The following TXN variants were observed in gnomAD, a reference collection of about 807,000 sequenced individuals.
TXN encodes ADF.
In TXN, 10 loss-of-function variants were observed where a neutral mutation model predicts 16.5. That is an observed-to-expected ratio of 0.61 (90% CI 0.37 to 1.03). The LOEUF (loss-of-function observed/expected upper bound fraction) is 1.03, where lower values mean the gene tolerates loss of function less well. TXN is among the 50% of genes least tolerant of loss of function. The pLI is 0.01. For synonymous variants in TXN, 35 were observed against 39.4 expected, an observed-to-expected ratio of 0.89 and a Z score of 0.42; for missense variants, 71 against 122.5, an observed-to-expected ratio of 0.58 and a Z score of 1.98.
chr9:110,244,643 C>T, intron 4 of TXN, 135 bp downstream of exon 4: 1 of 719,356 alleles, frequency 1.4e-6, no homozygotes. Flanking sequence ...TGAATTTTGG[C>T]ATATTTAAAA....
chr9:110,250,715 A>T (rs1837722110), intron 3 of TXN, 105 bp downstream of exon 3: 5 of 941,284 alleles, frequency 5.3e-6, no homozygotes, highest in Non-Finnish European at 8.3e-6. Flanking sequence ...ATAGGATTAC[A>T]GTTCTAGAAT....
intron 1 of TXN, 144 bp from the exon 2 acceptor site, chr9:110,251,606 A>AAAAG (rs1837738260): frequency 2.1e-6 from 1 of 467,384 alleles, no homozygotes; most frequent in African/African-American, 2.1e-5. Flanking sequence ...AAAAAAAAAA[A>AAAAG]AAAAAAATCC....
At chr9:110,253,412 A>C (rs1837766510) in intron 1 of TXN, among the ~76,000 whole-genome samples, 1 of 152,218 alleles carries the variant, frequency 6.6e-6, no homozygotes, top group South Asian at 2.1e-4. Flanking sequence ...TTATTGTTCC[A>C]GATCAATTTC....
rs1837807283 is a variant in TXN at position 110,256,177 on chromosome 9, G to A, written c.24+235C>T. 6.6e-6 allele frequency among the ~76,000 whole-genome samples: 1 copy of A among 152,144 alleles called. No homozygotes were observed. Among genetic ancestry groups the A allele is most frequent in the Admixed American group, 6.5e-5 (1 of 15,284 alleles). On this transcript the variant is annotated intron_variant, in intron 1 of 4. Coordinates refer to ENST00000374517, the MANE Select transcript of TXN (RefSeq NM_003329.4). The surrounding 1 kb of genome is among the most constrained non-coding windows in gnomAD (Gnocchi z 4.2). Reference sequence around the variant, plus strand: ...TGGGCACCGCCACTCCGCCCTCCAGGGGACCCTCGTCCTTCTCCTCCCTTC... The same window carrying A: ...TGGGCACCGCCACTCCGCCCTCCAGAGGACCCTCGTCCTTCTCCTCCCTTC...
rs559697362 is a variant in TXN, at chr9:110,254,552, C to T, written c.24+1860G>A. Reference sequence around the variant, plus strand: ...AACAAACTAACAGACAAATAACAATCAAATTAGTGTAACTTTCGATCAATG... The same window carrying T: ...AACAAACTAACAGACAAATAACAATTAAATTAGTGTAACTTTCGATCAATG... On this transcript the variant is annotated intron_variant, in intron 1 of 4. Transcript: ENST00000374517. 1.3e-4 allele frequency among the ~76,000 whole-genome samples: 20 copies of T among 152,310 alleles called. No homozygotes were observed. In the South Asian group the frequency reaches 3.9e-3, roughly 30 times the overall value.
chr9:110,251,074 G>C (rs140152930), intron 2 of TXN, among the ~76,000 whole-genome samples, 195 bp from the exon 3 acceptor site: 86 of 152,024 alleles, frequency 5.7e-4, no homozygotes, highest in African/African-American at 2.0e-3. Flanking sequence ...AAAACAGCTT[G>C]GCATATCAAA....
At chr9:110,247,706 T>C (rs1212061813) in intron 3 of TXN, among the ~76,000 whole-genome samples, 1 of 152,260 alleles carries the variant, frequency 6.6e-6, no homozygotes, top group African/African-American at 2.4e-5. Flanking sequence ...ATGGACAGTA[T>C]ATACTACTTG....
chr9:110,246,644 G>T (rs1306457111), intron 3 of TXN, among the ~76,000 whole-genome samples: 21 of 152,128 alleles, frequency 1.4e-4, no homozygotes, highest in Non-Finnish European at 1.5e-5. Context: ...GGGAAGAAAG[G>T]CCAGCTACAA....
chr9:110,251,326 C>T (rs997392), intron 2 of TXN, 32 bp downstream of exon 2: 5 of 1,513,700 alleles, frequency 3.3e-6, no homozygotes, highest in Non-Finnish European at 4.6e-6. Context: ...AAACACAAAT[C>T]TCTTACAAAG....
chr9:110,253,785 C>T (rs1587925292), intron 1 of TXN, among the ~76,000 whole-genome samples: 1 of 152,298 alleles, frequency 6.6e-6, no homozygotes, highest in East Asian at 1.9e-4. Context: ...CGGGTATCAG[C>T]TTGAAAATTA....
At chr9:110,251,274 T>C in intron 2 of TXN, 84 bp downstream of exon 2, 1 of 1,046,086 alleles carries the variant, frequency 9.6e-7, no homozygotes. Flanking sequence ...CCAAAATCCT[T>C]TAACTGTCTT....
At position 110,256,485 on chromosome 9, in the gene TXN, T is replaced by C. The variant is rs1246735426; in HGVS notation, c.-50A>G. The C allele has an allele frequency of 2.5e-6, 4 of 1,581,732 alleles. No homozygotes were observed. Among genetic ancestry groups the C allele is most frequent in the South Asian group, 1.1e-5 (1 of 87,716 alleles). Reference sequence around the variant, plus strand: ...GGCTGTAAGGACCGATGGAAATGGATCCAAAGCACCAAACAGAGCTTCAAG... The same window carrying C: ...GGCTGTAAGGACCGATGGAAATGGACCCAAAGCACCAAACAGAGCTTCAAG... On this transcript the variant is annotated 5_prime_UTR_variant, in exon 1 of 5. Transcript: ENST00000374517. The surrounding 1 kb of genome is among the most constrained non-coding windows in gnomAD (Gnocchi z 4.2).
chr9:110,252,235 A>G (rs1837750118), intron 1 of TXN, among the ~76,000 whole-genome samples: 1 of 151,092 alleles, frequency 6.6e-6, no homozygotes. Context: ...AAAAAAAAAA[A>G]AAAAAAAAAA....
intron 1 of TXN, among the ~76,000 whole-genome samples, chr9:110,253,467 G>T (rs10980288): frequency 0.039 from 5,946 of 152,080 alleles, 172 homozygotes; most frequent in East Asian, 0.076. Flanking sequence ...GTTAAACCAG[G>T]CATCCTTTAT....
At chr9:110,249,814 G>A (rs1837704568) in intron 3 of TXN, among the ~76,000 whole-genome samples, 3 of 152,172 alleles carry the variant, frequency 2.0e-5, no homozygotes, top group Non-Finnish European at 4.4e-5. Flanking sequence ...TTGGGAGGTT[G>A]ATGGGGCAGG....
At chr9:110,251,613 A>T (rs1837738461) in intron 1 of TXN, 151 bp from the exon 2 acceptor site, 1 of 433,392 alleles carries the variant, frequency 2.3e-6, no homozygotes, top group African/African-American at 2.2e-5. Flanking sequence ...AAAAAAAAAA[A>T]TCCCCAAACA....
chr9:110,245,640 ATATATATATATATATTTTTTTT>A lies in TXN; in HGVS notation c.190-819_190-798del, dbSNP rs1446270262. ...ACACTATATATATATATATATATAT[ATATATATATATATATTTTTTTT>A]TTTTTTTTTTTATAGGGACAAGGTC... is the stretch of plus-strand genomic sequence containing the variant. On this transcript the variant is annotated intron_variant, in intron 3 of 4. Coordinates refer to ENST00000374517, the MANE Select transcript of TXN (RefSeq NM_003329.4). Among the ~76,000 whole-genome samples, 5 of 30,470 alleles carry A rather than the reference ATATATATATATATATTTTTTTT, an allele frequency of 1.6e-4. No individual in the cohort carries two copies. The Admixed American group carries it at 1.9e-3, about 12-fold the overall frequency. 20.0% of individuals were successfully genotyped at this position (30,470 alleles called of 152,430 possible).
intron 3 of TXN, 61 bp downstream of exon 3, chr9:110,250,759 A>G: frequency 8.2e-7 from 1 of 1,225,194 alleles, no homozygotes; most frequent in Non-Finnish European, 1.2e-6. Context: ...AGCACTGTGC[A>G]ATTCAGAGAA....
chr9:110,256,384 C>G lies in TXN; in HGVS notation c.24+28G>C, dbSNP rs749838233. The G allele has an allele frequency of 6.2e-7, 1 of 1,601,430 alleles. No individual in the cohort carries two copies. The highest frequency in any genetic ancestry group is 1.7e-5 in the Admixed American group (1 of 58,554). On this transcript the variant is annotated intron_variant, in intron 1 of 4. Transcript: ENST00000374517. This position sits in a 1 kb window ranked among gnomAD's most constrained non-coding sequence, Gnocchi z 4.2. ...TTACAGAGGCCGCGCGCGGCGCCGGCACCCTGGCCTTCCCCGGTAGCGCGT... is the reference window on the plus strand; with the variant it reads ...TTACAGAGGCCGCGCGCGGCGCCGGGACCCTGGCCTTCCCCGGTAGCGCGT...
Sources: gnomAD v4.1 joint callset for allele counts (sites outside exome capture counted in the v4.1 genomes callset) on GRCh38, gnomAD v4.1.1 for gene constraint, Gnocchi (gnomAD v3.1) non-coding constraint, MANE v1.5 for transcripts, NCBI Gene and HGNC (gene_info 2026-07-23, HGNC 2026-07-21) for gene names.